Variants in KIAA1958 observed in about 807,000 individuals in gnomAD.
KIAA1958 encodes the protein uncharacterized protein KIAA1958.
Under a neutral mutation model 47.2 loss-of-function variants are expected in KIAA1958, and 14 were observed. The observed-to-expected ratio is 0.30, with a 90% CI of 0.20 to 0.46. The LOEUF is 0.46. KIAA1958 is among the 20% of genes least tolerant of loss of function. KIAA1958 has a pLI of 1.00. For synonymous variants in KIAA1958, 354 were observed against 353.3 expected (o/e 1.00, Z -0.02); for missense variants, 803 against 909.2 (o/e 0.88, Z 1.50).
In KIAA1958 at chr9:112,659,905, A is replaced by T. The variant is rs1837243465; in HGVS notation, c.1987A>T (p.Met663Leu). The T allele has an allele frequency of 5.6e-6, 9 of 1,614,216 alleles. No homozygotes were observed. Among genetic ancestry groups the T allele is most frequent in the Non-Finnish European group, 6.8e-6 (8 of 1,180,018 alleles). ...GACTGCCAGGAAGGAGGCCACAGACATGGGCAGCGTGTGGTATGAGGAGCA... is the reference window on the plus strand; with the variant it reads ...GACTGCCAGGAAGGAGGCCACAGACTTGGGCAGCGTGTGGTATGAGGAGCA... ...YLTARKEATD[M>L]GSVWYEEQRM... Residue 663 changes from methionine (M) to leucine (L), a missense_variant, in exon 4 of 4, where the codon ATG becomes TTG. Transcript: ENST00000337530.
intron 2 of KIAA1958, among the ~76,000 whole-genome samples, chr9:112,579,539 A>G (rs1248950935): frequency 6.6e-6 from 1 of 151,878 alleles, no homozygotes; most frequent in African/African-American, 2.4e-5. Context: ...TTCAGATACC[A>G]CATTTTTGTT....
chr9:112,508,251 T>C (rs1159705361), intron 1 of KIAA1958, among the ~76,000 whole-genome samples: 1 of 152,178 alleles, frequency 6.6e-6, no homozygotes, highest in Non-Finnish European at 1.5e-5. Flanking sequence ...CCATCAGAAA[T>C]CCATTTAACT....
chr9:112,543,515 A>G (rs1376541008), intron 1 of KIAA1958, among the ~76,000 whole-genome samples: 2 of 150,292 alleles, frequency 1.3e-5, no homozygotes, highest in Non-Finnish European at 2.9e-5. Flanking sequence ...AATTTGTAAA[A>G]TGCTTAATTT....
At chr9:112,561,979 T>G (rs1353397578) in intron 1 of KIAA1958, among the ~76,000 whole-genome samples, 2 of 152,200 alleles carry the variant, frequency 1.3e-5, no homozygotes, top group Admixed American at 6.5e-5. Context: ...CGGAGATGTC[T>G]GGGTAAATGA....
At chr9:112,512,053 T>G (rs1354516238) in intron 1 of KIAA1958, among the ~76,000 whole-genome samples, 1 of 152,208 alleles carries the variant, frequency 6.6e-6, no homozygotes, top group African/African-American at 2.4e-5. Context: ...CAAAGGAAAC[T>G]GCAGACACAG....
intron 2 of KIAA1958, among the ~76,000 whole-genome samples, chr9:112,597,490 G>A (rs1450462305): frequency 1.3e-5 from 2 of 152,138 alleles, no homozygotes; most frequent in Non-Finnish European, 2.9e-5. Context: ...CCTTGCCATG[G>A]TGATGCTTCT....
chr9:112,646,377 T>A (rs1259819240), intron 3 of KIAA1958, among the ~76,000 whole-genome samples: 3 of 152,160 alleles, frequency 2.0e-5, no homozygotes. Flanking sequence ...AAAGGGACTA[T>A]TGTAGTAGGG....
chr9:112,520,759 A>T (rs555663842), intron 1 of KIAA1958, among the ~76,000 whole-genome samples: 1 of 152,330 alleles, frequency 6.6e-6, no homozygotes, highest in African/African-American at 2.4e-5. Flanking sequence ...ATAAAAATGG[A>T]AGCTAGAAAT....
At chr9:112,595,974 G>A (rs571407346) in intron 2 of KIAA1958, among the ~76,000 whole-genome samples, 100 of 151,990 alleles carry the variant, frequency 6.6e-4, no homozygotes, top group African/African-American at 2.2e-3. Context: ...TAGTAAAGAC[G>A]GGGTTTCTCC....
rs535232241 is a variant in KIAA1958, at chr9:112,612,557, A to T, written c.1172-33093A>T. Among the ~76,000 whole-genome samples, 171 of 144,694 alleles carry T rather than the reference A, an allele frequency of 1.2e-3. 5 individuals carry two copies. In the South Asian group the frequency reaches 0.038, roughly 32 times the overall value. The allele number at this position is 144,694 out of a possible 152,430, so 94.9% of individuals were successfully genotyped here. ...GAGAAAATACAGATAACTAGTATGT[A>T]CTTGAAAAAGCATTAAATCTTCTAA... is the stretch of plus-strand genomic sequence containing the variant. On this transcript the variant is annotated intron_variant, in intron 2 of 3. Transcript: ENST00000337530.
At chr9:112,521,456 C>A (rs1458378531) in intron 1 of KIAA1958, among the ~76,000 whole-genome samples, 2 of 152,140 alleles carry the variant, frequency 1.3e-5, no homozygotes, top group East Asian at 3.8e-4. Context: ...TCAAGTGACC[C>A]TCCCACGTTG....
intron 1 of KIAA1958, among the ~76,000 whole-genome samples, chr9:112,506,422 C>T (rs955419654): frequency 1.3e-5 from 2 of 152,218 alleles, no homozygotes; most frequent in Non-Finnish European, 2.9e-5. Flanking sequence ...CGCCACTACA[C>T]TCTAGCCTGG....
intron 2 of KIAA1958, among the ~76,000 whole-genome samples, chr9:112,579,856 A>G (rs546055855): frequency 2.0e-5 from 3 of 152,222 alleles, no homozygotes; most frequent in East Asian, 3.8e-4. Context: ...CTGAGTTGAA[A>G]TAAGTTAAAG....
chr9:112,519,297 T>C (rs7049243), intron 1 of KIAA1958, among the ~76,000 whole-genome samples: 144,024 of 152,196 alleles, frequency 0.95, 68,199 homozygotes, highest in South Asian at 0.98. Flanking sequence ...TTTACTAATA[T>C]GTGCTATTAT....
At chr9:112,494,144 T>C (rs1834014918) in intron 1 of KIAA1958, among the ~76,000 whole-genome samples, 1 of 152,196 alleles carries the variant, frequency 6.6e-6, no homozygotes, top group African/African-American at 2.4e-5. Context: ...TAATTTTATC[T>C]TTTTGCCTAG....
chr9:112,490,395 C>G (rs971517585), intron 1 of KIAA1958, among the ~76,000 whole-genome samples: 1 of 152,126 alleles, frequency 6.6e-6, no homozygotes, highest in Non-Finnish European at 1.5e-5. Context: ...TTAACTCTTA[C>G]GTGATACTTC....
In KIAA1958 at chr9:112,667,754, T is replaced by C. The variant is rs1489864406; in HGVS notation, c.*7685T>C. 2 of 152,336 alleles carry C rather than the reference T, an allele frequency of 1.3e-5. No homozygotes were observed. The highest frequency in any genetic ancestry group is 4.1e-4 in the South Asian group (2 of 4,828). 9.4% of individuals were successfully genotyped at this position (152,336 alleles called of 1,614,324 possible). On this transcript the variant is annotated 3_prime_UTR_variant, in exon 4 of 4. Transcript: ENST00000337530. The stretch of plus-strand genomic sequence containing the variant: ...GTTAAGATACATAATTTTTTAGTTA[T>C]GATAACCATCCAGGAAATATATGAG...
intron 1 of KIAA1958, among the ~76,000 whole-genome samples, chr9:112,540,483 A>G (rs1041897138): frequency 6.6e-6 from 1 of 152,190 alleles, no homozygotes; most frequent in Non-Finnish European, 1.5e-5. Context: ...TAGTCTGTCA[A>G]ATTTTATCTG....
intron 2 of KIAA1958, among the ~76,000 whole-genome samples, chr9:112,635,180 C>T (rs1836781681): frequency 6.6e-6 from 1 of 150,778 alleles, no homozygotes; most frequent in African/African-American, 2.5e-5. Context: ...TGAAACCCAT[C>T]TGAACCTGAA....
Sources: allele counts gnomAD v4.1 joint callset (sites outside exome capture counted in the v4.1 genomes callset), GRCh38; gene constraint gnomAD v4.1.1; transcripts MANE v1.5; gene names NCBI Gene and HGNC (gene_info 2026-07-23, HGNC 2026-07-21).